GRM1: variants seen among roughly 807,000 people sequenced by gnomAD.
The protein encoded by GRM1 is glutamate metabotropic receptor 1, also known as metabotropic glutamate receptor 1.
GRM1 carries 33 observed loss-of-function variants against 90.9 expected under a neutral mutation model. The observed-to-expected ratio is 0.36, with a 90% CI of 0.28 to 0.49. The LOEUF (loss-of-function observed/expected upper bound fraction) is 0.49. Among genes scored for constraint, GRM1 ranks in the 20% least tolerant of loss-of-function variants. GRM1 has a pLI of 0.99. For missense variants in GRM1, 1,190 were observed against 1,534.3 expected, an observed-to-expected ratio of 0.78 and a Z score of 3.75; for synonymous variants, 700 against 613.2, an observed-to-expected ratio of 1.14 and a Z score of -2.09.
At chr6:146,374,335 T>A (rs1162775931) in intron 5 of GRM1, among the ~76,000 whole-genome samples, 1 of 152,202 alleles carries the variant, frequency 6.6e-6, no homozygotes, top group Admixed American at 6.5e-5. Context: ...TATACTTTTT[T>A]GATGTATCTT....
At chr6:146,323,071 T>C (rs572928905) in intron 3 of GRM1, among the ~76,000 whole-genome samples, 104 of 152,304 alleles carry the variant, frequency 6.8e-4, no homozygotes, top group Non-Finnish European at 1.0e-3. Flanking sequence ...TACGTGTGCA[T>C]GTGTCCTTAT....
chr6:146,336,322 G>A (rs1784770569), intron 3 of GRM1, among the ~76,000 whole-genome samples: 1 of 152,172 alleles, frequency 6.6e-6, no homozygotes, highest in Non-Finnish European at 1.5e-5. Flanking sequence ...CAAGAGGAGA[G>A]GAAGTAAGCT....
intron 1 of GRM1, among the ~76,000 whole-genome samples, chr6:146,104,304 G>A (rs1175232950): frequency 1.3e-5 from 2 of 152,106 alleles, no homozygotes; most frequent in Non-Finnish European, 2.9e-5. Flanking sequence ...GCCAGGCGTG[G>A]TGGCGGGCGC....
intron 2 of GRM1, among the ~76,000 whole-genome samples, chr6:146,216,032 C>T (rs1020759371): frequency 3.4e-4 from 51 of 152,218 alleles, no homozygotes; most frequent in African/African-American, 1.2e-3. Context: ...GCTGGGATTA[C>T]AGGCGTGAGC....
intron 1 of GRM1, among the ~76,000 whole-genome samples, chr6:146,093,178 G>T (rs1404978188): frequency 6.6e-6 from 1 of 152,068 alleles, no homozygotes; most frequent in Non-Finnish European, 1.5e-5. Context: ...AACAGATTTA[G>T]CTGGAAATAT....
At chr6:146,176,114 G>A (rs1778330019) in intron 2 of GRM1, among the ~76,000 whole-genome samples, 2 of 151,974 alleles carry the variant, frequency 1.3e-5, no homozygotes, top group South Asian at 4.1e-4. Flanking sequence ...GGCTTCATAG[G>A]TATTCAGTTA....
intron 3 of GRM1, among the ~76,000 whole-genome samples, chr6:146,338,922 A>T (rs362831): frequency 6.6e-6 from 1 of 151,936 alleles, no homozygotes; most frequent in African/African-American, 2.4e-5. Context: ...CTTAATAGCC[A>T]TCTTATGCCC....
chr6:146,417,015 A>T (rs1197957221), intron 7 of GRM1, among the ~76,000 whole-genome samples: 1 of 152,200 alleles, frequency 6.6e-6, no homozygotes, highest in Non-Finnish European at 1.5e-5. Flanking sequence ...CTCAAGTTCT[A>T]GCTGCCTTGG....
chr6:146,312,349 CAA>C (rs1166008558), intron 3 of GRM1, among the ~76,000 whole-genome samples: 137 of 21,290 alleles, frequency 6.4e-3, no homozygotes, highest in African/African-American at 0.018. Context: ...AACTCCGTCT[CAA>C]AAAAAAAAAA....
chr6:146,303,716 G>A (rs1316002627), intron 2 of GRM1, among the ~76,000 whole-genome samples: 2 of 152,048 alleles, frequency 1.3e-5, no homozygotes, highest in Non-Finnish European at 2.9e-5. Flanking sequence ...TAGCTCACCC[G>A]GGACTAAAAA....
intron 2 of GRM1, among the ~76,000 whole-genome samples, chr6:146,223,975 T>A (rs1442379247): frequency 6.6e-6 from 1 of 152,106 alleles, no homozygotes; most frequent in Non-Finnish European, 1.5e-5. Flanking sequence ...CCTGACATTA[T>A]AGCAGATCCA....
intron 1 of GRM1, among the ~76,000 whole-genome samples, chr6:146,099,583 T>G (rs1776982317): frequency 6.6e-6 from 1 of 152,234 alleles, no homozygotes; most frequent in Non-Finnish European, 1.5e-5. Flanking sequence ...TCTTCTCTTA[T>G]CTTTATAATT....
chr6:146,285,579 A>G (rs1459921688), intron 2 of GRM1, among the ~76,000 whole-genome samples: 4 of 152,202 alleles, frequency 2.6e-5, no homozygotes, highest in African/African-American at 9.6e-5. Flanking sequence ...TATTGTGCTC[A>G]GGAAGAACTA....
chr6:146,274,301 T>C (rs1486242968), intron 2 of GRM1, among the ~76,000 whole-genome samples: 1 of 152,226 alleles, frequency 6.6e-6, no homozygotes, highest in Non-Finnish European at 1.5e-5. Context: ...AAAACTTGCA[T>C]AATTGCAATA....
At chr6:146,106,113 C>T (rs1306166131) in intron 1 of GRM1, among the ~76,000 whole-genome samples, 2 of 152,086 alleles carry the variant, frequency 1.3e-5, no homozygotes, top group African/African-American at 2.4e-5. Flanking sequence ...AGGTTTAATG[C>T]GTCATTAAGC....
intron 3 of GRM1, among the ~76,000 whole-genome samples, chr6:146,330,991 C>T (rs753235297): frequency 6.6e-6 from 1 of 152,008 alleles, no homozygotes; most frequent in Non-Finnish European, 1.5e-5. Context: ...AATAGCATGC[C>T]AAATTGTGAG....
At chr6:146,310,034 G>T (rs1783720453) in intron 3 of GRM1, among the ~76,000 whole-genome samples, 1 of 152,144 alleles carries the variant, frequency 6.6e-6, no homozygotes, top group Non-Finnish European at 1.5e-5. Flanking sequence ...TGGACACAAT[G>T]ACTTTTAAAA....
At chr6:146,031,008 A>T (rs1438946297) in intron 1 of GRM1, among the ~76,000 whole-genome samples, 1 of 152,212 alleles carries the variant, frequency 6.6e-6, no homozygotes, top group East Asian at 1.9e-4. Context: ...TAGATCAGTT[A>T]TAAAATACTA....
chr6:146,229,741 C>T (rs79345435), intron 2 of GRM1, among the ~76,000 whole-genome samples: 1,731 of 151,832 alleles, frequency 0.011, 73 homozygotes, highest in East Asian at 0.079. Context: ...GGGATAACAC[C>T]CAAACAAAAT....
Sources: gnomAD v4.1 joint callset for allele counts (sites outside exome capture counted in the v4.1 genomes callset) on GRCh38, gnomAD v4.1.1 for gene constraint, MANE v1.5 for transcripts, NCBI Gene and HGNC (gene_info 2026-07-23, HGNC 2026-07-21) for gene names.